Variants in ERCC6L2 observed in about 807,000 individuals in gnomAD.
The protein encoded by ERCC6L2 is ERCC excision repair 6 like 2.
ERCC6L2 carries 77 observed loss-of-function variants against 132.0 expected under a neutral mutation model. The observed-to-expected ratio is 0.58, with a 90% CI of 0.49 to 0.71. ERCC6L2 has a LOEUF of 0.71. Ranked by LOEUF, ERCC6L2 falls within the 30% of genes least tolerant of loss-of-function variation. The pLI, the probability that ERCC6L2 is intolerant of heterozygous loss-of-function variation, is 0.00. For synonymous variants in ERCC6L2, 583 were observed against 632.4 expected (o/e 0.92, Z 1.17); for missense variants, 1,542 against 1,837.6 (o/e 0.84, Z 2.94).
chr9:95,892,521 C>G (rs1042338967), intron 2 of ERCC6L2, among the ~76,000 whole-genome samples: 1 of 149,278 alleles, frequency 6.7e-6, no homozygotes, highest in Non-Finnish European at 1.5e-5. Flanking sequence ...CCTCCTGGTT[C>G]AAGTGATTCT....
At chr9:95,876,393 A>T in intron 1 of ERCC6L2, 1 of 346,030 alleles carries the variant, frequency 2.9e-6, no homozygotes, top group Admixed American at 4.5e-5. Context: ...GACGTGGGGA[A>T]TACGCAAAGT....
intron 17 of ERCC6L2, among the ~76,000 whole-genome samples, chr9:95,990,823 G>T (rs1214915564): frequency 6.6e-6 from 1 of 152,212 alleles, no homozygotes; most frequent in African/African-American, 2.4e-5. Context: ...GGCAGCCCCT[G>T]CCCTCTTGGC....
chr9:95,910,874 G>A (rs928721327), intron 4 of ERCC6L2, among the ~76,000 whole-genome samples: 3 of 152,110 alleles, frequency 2.0e-5, no homozygotes, highest in Non-Finnish European at 4.4e-5. Flanking sequence ...TGGCAGACAT[G>A]AGGACTGAAC....
chr9:96,012,017 G>T (rs1413589565), intron 18 of ERCC6L2, among the ~76,000 whole-genome samples: 1 of 152,172 alleles, frequency 6.6e-6, no homozygotes, highest in Non-Finnish European at 1.5e-5. Context: ...TGGTGATTTT[G>T]TGAGCTAAAA....
intron 19 of ERCC6L2, among the ~76,000 whole-genome samples, chr9:96,029,186 C>T (rs189646766): frequency 1.1e-3 from 165 of 151,804 alleles, no homozygotes; most frequent in Middle Eastern, 3.4e-3. Context: ...TGACTGTAAT[C>T]CCAGCTACTC....
chr9:95,986,497 CTTTT>C (rs57381408), intron 17 of ERCC6L2, among the ~76,000 whole-genome samples: 2 of 116,212 alleles, frequency 1.7e-5, no homozygotes, highest in African/African-American at 3.3e-5. Flanking sequence ...TATCTCTCTC[CTTTT>C]TTTTTTTTTT....
At chr9:95,915,882 G>C (rs683829) in intron 5 of ERCC6L2, 53 bp downstream of exon 5, 1 of 1,480,118 alleles carries the variant, frequency 6.8e-7, no homozygotes, top group South Asian at 1.3e-5. Flanking sequence ...AGCTGAATAC[G>C]GTCTTGTTTG....
At chr9:95,912,970 A>G (rs1201513246) in intron 4 of ERCC6L2, among the ~76,000 whole-genome samples, 1 of 152,222 alleles carries the variant, frequency 6.6e-6, no homozygotes, top group Non-Finnish European at 1.5e-5. Context: ...GCATCACTTC[A>G]GGAAGTACCT....
intron 11 of ERCC6L2, among the ~76,000 whole-genome samples, chr9:95,933,096 C>A (rs938029585): frequency 2.6e-5 from 4 of 152,130 alleles, no homozygotes; most frequent in Non-Finnish European, 4.4e-5. Context: ...TGGAAGATTG[C>A]TACCTCAACT....
At chr9:96,027,397 G>C (rs1834393289) in intron 19 of ERCC6L2, among the ~76,000 whole-genome samples, 2 of 152,358 alleles carry the variant, frequency 1.3e-5, no homozygotes, top group Admixed American at 1.3e-4. Context: ...CGGGCTGCGG[G>C]AAAGGAGAGG....
chr9:95,886,194 T>A (rs1827857992), intron 2 of ERCC6L2, among the ~76,000 whole-genome samples: 1 of 151,970 alleles, frequency 6.6e-6, no homozygotes, highest in African/African-American at 2.4e-5. Flanking sequence ...TTTTTGTATT[T>A]TTGGTAGAGA....
At chr9:95,948,830 A>G (rs1831193815) in intron 12 of ERCC6L2, among the ~76,000 whole-genome samples, 1 of 151,884 alleles carries the variant, frequency 6.6e-6, no homozygotes, top group African/African-American at 2.4e-5. Context: ...AAAGAAAATG[A>G]AAATACAGCT....
intron 7 of ERCC6L2, 84 bp downstream of exon 7, chr9:95,921,399 A>G (rs1323536523): frequency 1.8e-6 from 2 of 1,124,226 alleles, no homozygotes; most frequent in East Asian, 2.7e-5. Context: ...GCAGATGATA[A>G]AATACCTTTT....
chr9:96,018,139 A>C lies in ERCC6L2; in HGVS notation c.*4936A>C, dbSNP rs1588061688. 6.6e-6 allele frequency among the ~76,000 whole-genome samples: 1 copy of C among 152,226 alleles called. No homozygotes were observed. Among genetic ancestry groups the C allele is most frequent in the East Asian group, 1.9e-4 (1 of 5,194 alleles). ...GTAGAGTTTCTGTTACACAGGATGC[A>C]AAGTGGCCTGAAGATGGATGGTCGT... On this transcript the variant is annotated 3_prime_UTR_variant, in exon 19 of 19. Transcript: ENST00000653738.
chr9:95,956,111 T>A (rs1831587094), intron 13 of ERCC6L2, 98 bp downstream of exon 13: 4 of 554,030 alleles, frequency 7.2e-6, no homozygotes, highest in Non-Finnish European at 1.2e-5. Flanking sequence ...TAAATCTTAC[T>A]GTATTGCGGA....
At chr9:96,006,933 A>G (rs117212508) in intron 18 of ERCC6L2, among the ~76,000 whole-genome samples, 287 of 152,314 alleles carry the variant, frequency 1.9e-3, no homozygotes, top group Non-Finnish European at 3.3e-3. Context: ...CAGGAAAATC[A>G]TCTGTCCAGT....
At position 95,918,540 on chromosome 9, in the gene ERCC6L2, GGA is replaced by G. The variant is rs779667731; in HGVS notation, c.1158+2107_1158+2108del. The G allele has an allele frequency of 7.5e-4, 352 of 467,542 alleles. 3 individuals are homozygous for G. Among genetic ancestry groups the G allele is most frequent in the Middle Eastern group, 3.9e-3 (6 of 1,526 alleles). The allele number at this position is 467,542 out of a possible 1,614,324, so 29.0% of individuals were successfully genotyped here. The stretch of plus-strand genomic sequence containing the variant: ...ACTTGCTAAAGACAAAATGATGAAT[GGA>G]AGTCATTACAGCTACTCTGAGAATT... On this transcript the variant is annotated intron_variant, in intron 6 of 18. Coordinates refer to ENST00000653738, the MANE Select transcript of ERCC6L2 (RefSeq NM_020207.7).
intron 19 of ERCC6L2, among the ~76,000 whole-genome samples, chr9:96,034,935 C>T (rs1834502425): frequency 6.6e-6 from 1 of 152,174 alleles, no homozygotes; most frequent in Non-Finnish European, 1.5e-5. Context: ...AGGAGCCCTG[C>T]CCCTTCTGAG....
At chr9:95,945,572 A>G (rs1269174648) in intron 12 of ERCC6L2, among the ~76,000 whole-genome samples, 3 of 152,342 alleles carry the variant, frequency 2.0e-5, no homozygotes, top group Non-Finnish European at 1.5e-5. Flanking sequence ...AATCTTCACA[A>G]TTTATGTTCA....
Sources: allele counts gnomAD v4.1 joint callset (sites outside exome capture counted in the v4.1 genomes callset), GRCh38; gene constraint gnomAD v4.1.1; transcripts MANE v1.5; gene names NCBI Gene and HGNC (gene_info 2026-07-23, HGNC 2026-07-21).